Variants in PRKACB observed in about 807,000 individuals in gnomAD.
The protein encoded by PRKACB is cAMP-dependent protein kinase catalytic subunit beta.
Under a neutral mutation model 51.4 loss-of-function variants are expected in PRKACB, and 16 were observed. The observed-to-expected ratio is 0.31, with a 90% confidence interval of 0.21 to 0.47. The LOEUF (loss-of-function observed/expected upper bound fraction) is 0.47. PRKACB is among the 20% of genes least tolerant of loss of function. The pLI is 1.00. For synonymous variants in PRKACB, 147 were observed against 154.4 expected (o/e 0.95, Z 0.35); for missense variants, 309 against 464.5 (o/e 0.67, Z 3.08).
intron 1 of PRKACB, among the ~76,000 whole-genome samples, chr1:84,119,596 T>C (rs1473696214): frequency 6.6e-6 from 1 of 152,126 alleles, no homozygotes; most frequent in African/African-American, 2.4e-5. Context: ...AATTTCTAGA[T>C]GATATTCACT....
At chr1:84,195,159 T>C (rs1423192382) in intron 5 of PRKACB, among the ~76,000 whole-genome samples, 1 of 152,230 alleles carries the variant, frequency 6.6e-6, no homozygotes, top group Non-Finnish European at 1.5e-5. Flanking sequence ...GAATGATTAT[T>C]TTAATCTCTG....
intron 1 of PRKACB, among the ~76,000 whole-genome samples, chr1:84,175,455 A>T (rs903769337): frequency 2.0e-5 from 3 of 151,778 alleles, no homozygotes; most frequent in African/African-American, 7.2e-5. Context: ...TATCATAAGC[A>T]GTAACCTAGT....
chr1:84,129,971 C>G (rs12064926), intron 1 of PRKACB, among the ~76,000 whole-genome samples: 71,841 of 151,886 alleles, frequency 0.47, 17,714 homozygotes, highest in Non-Finnish European at 0.56. Flanking sequence ...GAGGCCCAGG[C>G]AGGCAGATCA....
intron 9 of PRKACB, among the ~76,000 whole-genome samples, chr1:84,222,137 C>A (rs569931695): frequency 6.6e-6 from 1 of 152,000 alleles, no homozygotes; most frequent in African/African-American, 2.4e-5. Context: ...TCCGTTATAT[C>A]CTTTTGCTGA....
intron 5 of PRKACB, among the ~76,000 whole-genome samples, chr1:84,188,146 A>G (rs1407451990): frequency 6.6e-6 from 1 of 152,118 alleles, no homozygotes; most frequent in East Asian, 1.9e-4. Context: ...CCAAATTGCT[A>G]TAAATTATAA....
intron 1 of PRKACB, among the ~76,000 whole-genome samples, chr1:84,121,404 T>C (rs969021273): frequency 5.9e-5 from 9 of 152,090 alleles, no homozygotes; most frequent in South Asian, 2.1e-4. Context: ...CATATACATA[T>C]ATATGTACAC....
chr1:84,131,625 A>G (rs1652220507), intron 1 of PRKACB, among the ~76,000 whole-genome samples: 1 of 152,194 alleles, frequency 6.6e-6, no homozygotes, highest in South Asian at 2.1e-4. Flanking sequence ...TCTTCCCCCC[A>G]TCAGAGAACT....
chr1:84,097,005 G>GT (rs768274003), intron 1 of PRKACB, among the ~76,000 whole-genome samples: 5 of 152,006 alleles, frequency 3.3e-5, no homozygotes, highest in Non-Finnish European at 7.4e-5. Context: ...CAATTATACT[G>GT]TTTTATATCT....
intron 1 of PRKACB, among the ~76,000 whole-genome samples, chr1:84,162,333 T>A (rs1656297364): frequency 6.6e-6 from 1 of 152,060 alleles, no homozygotes; most frequent in African/African-American, 2.4e-5. Flanking sequence ...CTGTTTTCCA[T>A]CAAATTGGGA....
chr1:84,170,736 A>G (rs909571444), intron 1 of PRKACB, among the ~76,000 whole-genome samples: 1 of 151,726 alleles, frequency 6.6e-6, no homozygotes, highest in East Asian at 1.9e-4. Flanking sequence ...GTCACTAGAC[A>G]TAGTAAAATT....
At chr1:84,146,558 C>T (rs778359703) in intron 1 of PRKACB, among the ~76,000 whole-genome samples, 17 of 151,962 alleles carry the variant, frequency 1.1e-4, no homozygotes, top group Non-Finnish European at 1.9e-4. Context: ...GAACCACATT[C>T]TTCAAAGCTA....
chr1:84,158,073 C>CT (rs35694160), intron 1 of PRKACB, among the ~76,000 whole-genome samples: 52 of 148,078 alleles, frequency 3.5e-4, no homozygotes, highest in African/African-American at 5.5e-4. Flanking sequence ...GTCTTTCTTT[C>CT]TTTTTTTTTT....
intron 9 of PRKACB, among the ~76,000 whole-genome samples, chr1:84,220,193 G>A (rs939869780): frequency 1.3e-5 from 2 of 151,704 alleles, no homozygotes; most frequent in Admixed American, 1.3e-4. Context: ...TTATTCCTAG[G>A]TATTTTATTT....
intron 1 of PRKACB, among the ~76,000 whole-genome samples, chr1:84,178,481 AT>A (rs1662098736): frequency 6.6e-6 from 1 of 152,040 alleles, no homozygotes; most frequent in African/African-American, 2.4e-5. Context: ...TACCCACATT[AT>A]TAATCAATAT....
chr1:84,170,099 A>G (rs1281495858), intron 1 of PRKACB, among the ~76,000 whole-genome samples: 1 of 151,652 alleles, frequency 6.6e-6, no homozygotes, highest in East Asian at 1.9e-4. Flanking sequence ...AAGTGCAAAA[A>G]TTGAAGTGGT....
intron 9 of PRKACB, among the ~76,000 whole-genome samples, chr1:84,230,574 T>G (rs1393411386): frequency 1.3e-5 from 2 of 152,134 alleles, no homozygotes; most frequent in Non-Finnish European, 2.9e-5. Flanking sequence ...GCATGGAATG[T>G]TCTTCCATTT....
intron 1 of PRKACB, among the ~76,000 whole-genome samples, chr1:84,090,186 T>G (rs955532835): frequency 1.3e-5 from 2 of 152,204 alleles, no homozygotes; most frequent in Non-Finnish European, 2.9e-5. Context: ...TTCTCTCTCT[T>G]TATACCTCTG....
intron 1 of PRKACB, among the ~76,000 whole-genome samples, chr1:84,092,990 T>G (rs142800977): frequency 6.6e-6 from 1 of 152,010 alleles, no homozygotes; most frequent in Non-Finnish European, 1.5e-5. Flanking sequence ...TACAGGATTT[T>G]CCCCCCAGAC....
intron 1 of PRKACB, among the ~76,000 whole-genome samples, chr1:84,079,087 CACACT>C (rs1260558921): frequency 2.0e-5 from 3 of 151,976 alleles, no homozygotes. Context: ...GCGGGTACTC[CACACT>C]TTACATCAAA....
Sources: allele counts gnomAD v4.1 joint callset (sites outside exome capture counted in the v4.1 genomes callset), GRCh38; gene constraint gnomAD v4.1.1; transcripts MANE v1.5; gene names NCBI Gene and HGNC (gene_info 2026-07-23, HGNC 2026-07-21).